The following PHLDB2 variants were observed in gnomAD, a reference collection of about 807,000 sequenced individuals.
PHLDB2 encodes pleckstrin homology-like domain family B member 2.
A neutral mutation model predicts 123.6 loss-of-function variants in PHLDB2; 71 were observed. The ratio of observed to expected loss-of-function variants is 0.57; its 90% CI spans 0.47 to 0.70. The LOEUF (loss-of-function observed/expected upper bound fraction) is 0.70. Among genes scored for constraint, PHLDB2 ranks in the 30% least tolerant of loss-of-function variants. The pLI is 0.00. For missense variants in PHLDB2, 1,446 were observed against 1,519.5 expected (o/e 0.95, Z 0.80); for synonymous variants, 547 against 541.6 (o/e 1.01, Z -0.14).
rs1352557608 is a variant in PHLDB2, at chr3:111,954,103, CAG to C, written c.2872+75_2872+76del. 46 of 1,355,740 alleles carry C rather than the reference CAG, an allele frequency of 3.4e-5. No individual in the cohort carries two copies. The East Asian group carries it at 1.0e-3, about 30-fold the overall frequency. The allele number at this position is 1,355,740 out of a possible 1,614,324, so 84.0% of individuals were successfully genotyped here. On this transcript the variant is annotated intron_variant, in intron 12 of 17. Coordinates refer to ENST00000431670, the MANE Select transcript of PHLDB2 (RefSeq NM_001134438.2). ...ATTCTTCAGGGGGAGGAAGTGAGAA[CAG>C]GGGTAGGGATGATTAGAGGAGGGAT...
At chr3:111,824,235 C>A (rs1021507782) in intron 1 of PHLDB2, among the ~76,000 whole-genome samples, 1 of 152,190 alleles carries the variant, frequency 6.6e-6, no homozygotes, top group Admixed American at 6.5e-5. Context: ...TTGGTAGCTT[C>A]GACTGCCAAA....
intron 2 of PHLDB2, among the ~76,000 whole-genome samples, chr3:111,906,316 A>C (rs1386439497): frequency 6.6e-6 from 1 of 152,206 alleles, no homozygotes; most frequent in Non-Finnish European, 1.5e-5. Context: ...ATAAATCCTC[A>C]TGATAACCCA....
At chr3:111,817,195 G>A (rs187763444) in intron 1 of PHLDB2, among the ~76,000 whole-genome samples, 121 of 152,148 alleles carry the variant, frequency 8.0e-4, no homozygotes, top group Middle Eastern at 3.4e-3. Flanking sequence ...GAACAGCACC[G>A]AGCTATTCAT....
chr3:111,954,674 T>G (rs1388039834), intron 12 of PHLDB2, among the ~76,000 whole-genome samples: 1 of 152,222 alleles, frequency 6.6e-6, no homozygotes, highest in East Asian at 1.9e-4. Context: ...ATTTCTTGTG[T>G]TAACACAATA....
rs531455461 is a variant in PHLDB2 at position 111,771,443 on chromosome 3, G to A, written c.-49+38740G>A. Among the ~76,000 whole-genome samples the A allele has an allele frequency of 7.2e-5, 11 of 152,016 alleles. No homozygotes were observed. In the South Asian group the frequency reaches 2.3e-3, roughly 32 times the overall value. On this transcript the variant is annotated intron_variant, in intron 1 of 17. Coordinates refer to the PHLDB2 transcript ENST00000393923. The stretch of plus-strand genomic sequence containing the variant: ...CGGTTCACTGCAACCTCCCCTTCCT[G>A]GGTTCAAGTGATTCTCGTGCCTCAG...
At chr3:111,854,164 C>T (rs143837923) in intron 2 of PHLDB2, among the ~76,000 whole-genome samples, 319 of 152,270 alleles carry the variant, frequency 2.1e-3, no homozygotes, top group African/African-American at 7.3e-3. Flanking sequence ...ATGCCAGACA[C>T]TTACAAAACC....
intron 1 of PHLDB2, among the ~76,000 whole-genome samples, chr3:111,813,205 T>A (rs755178735): frequency 3.9e-5 from 6 of 152,290 alleles, no homozygotes; most frequent in Admixed American, 2.0e-4. Context: ...GGGAAACAAG[T>A]TCAAGAGAGC....
At chr3:111,948,759 GC>G (rs2070493503) in intron 9 of PHLDB2, among the ~76,000 whole-genome samples, 172 bp from the exon 10 acceptor site, 1 of 152,228 alleles carries the variant, frequency 6.6e-6, no homozygotes, top group Admixed American at 6.5e-5. Context: ...TCAAGATTAA[GC>G]AATGTAAATC....
chr3:111,830,969 G>GAAAGAA, intron 1 of PHLDB2, among the ~76,000 whole-genome samples: 1 of 30,390 alleles, frequency 3.3e-5, no homozygotes, highest in East Asian at 8.2e-4. Flanking sequence ...AAGAAAGAAA[G>GAAAGAA]AAAGAAAGAA....
intron 1 of PHLDB2, among the ~76,000 whole-genome samples, chr3:111,784,939 T>C (rs1034837558): frequency 2.8e-4 from 42 of 152,172 alleles, no homozygotes; most frequent in African/African-American, 1.0e-3. Flanking sequence ...TTTGCACACA[T>C]TTTTAATATT....
intron 1 of PHLDB2, among the ~76,000 whole-genome samples, chr3:111,734,918 A>C (rs1334707396): frequency 6.6e-6 from 1 of 152,228 alleles, no homozygotes; most frequent in Non-Finnish European, 1.5e-5. Flanking sequence ...CAAAAAGGCC[A>C]GTAGTGGACT....
intron 1 of PHLDB2, among the ~76,000 whole-genome samples, chr3:111,807,646 C>A (rs2108309758): frequency 6.6e-6 from 1 of 152,228 alleles, no homozygotes; most frequent in Middle Eastern, 3.4e-3. Context: ...GTAGTCCTGA[C>A]TACTCAGGAA....
intron 1 of PHLDB2, chr3:111,845,793 G>T (rs1328542483): frequency 1.7e-5 from 28 of 1,610,694 alleles, no homozygotes; most frequent in Non-Finnish European, 2.4e-5. Context: ...TTCCAATCAT[G>T]GTACCTCTCT....
At position 111,868,558 on chromosome 3, in the gene PHLDB2, A is replaced by G. The variant is rs148777660; in HGVS notation, c.-15+8982A>G. Among the ~76,000 whole-genome samples, 472 of 151,604 alleles carry G rather than the reference A, an allele frequency of 3.1e-3. 4 individuals carry two copies. The highest frequency in any genetic ancestry group is 0.011 in the African/African-American group (446 of 41,290). On this transcript the variant is annotated intron_variant, in intron 1 of 17. Coordinates refer to ENST00000431670, the MANE Select transcript of PHLDB2 (RefSeq NM_001134438.2). ...CTGTCTTTTTTTTAAAAAAAATATT[A>G]TTCTCTTCCTTGTATTTTCTGTAAT...
upstream of PHLDB2, among the ~76,000 whole-genome samples, chr3:111,856,484 T>C (rs73226399): frequency 0.1 from 15,468 of 152,296 alleles, 1,031 homozygotes; most frequent in South Asian, 0.17. Flanking sequence ...GTCCTATATT[T>C]GGAAGAATAC....
chr3:111,836,918 A>G (rs927706422), intron 1 of PHLDB2, among the ~76,000 whole-genome samples: 3 of 152,214 alleles, frequency 2.0e-5, no homozygotes, highest in Non-Finnish European at 2.9e-5. Flanking sequence ...TGGGTGGGAC[A>G]CAGAGCCAAA....
At chr3:111,966,525 GGGGT>G in intron 13 of PHLDB2, 84 bp from the exon 14 acceptor site, 1 of 600,240 alleles carries the variant, frequency 1.7e-6, no homozygotes, top group East Asian at 3.3e-5. Context: ...GTGTGTGTCT[GGGGT>G]GTGTGTGTGT....
At chr3:111,768,814 G>A (rs2060126016) in intron 1 of PHLDB2, among the ~76,000 whole-genome samples, 2 of 152,148 alleles carry the variant, frequency 1.3e-5, no homozygotes, top group Admixed American at 6.5e-5. Flanking sequence ...TGTCTAGCTG[G>A]ACCTACATTC....
At chr3:111,766,676 G>T (rs75009193) in intron 1 of PHLDB2, among the ~76,000 whole-genome samples, 2 of 151,960 alleles carry the variant, frequency 1.3e-5, no homozygotes, top group Non-Finnish European at 2.9e-5. Flanking sequence ...TTTGATAAAC[G>T]TTTACTGGAC....
Sources: allele counts gnomAD v4.1 joint callset (sites outside exome capture counted in the v4.1 genomes callset), GRCh38; gene constraint gnomAD v4.1.1; transcripts MANE v1.5; gene names NCBI Gene and HGNC (gene_info 2026-07-23, HGNC 2026-07-21).